FAF1: variants seen among roughly 807,000 people sequenced by gnomAD.
FAF1 encodes Fas associated factor 1.
FAF1 carries 25 observed loss-of-function variants against 92.5 expected under a neutral mutation model. That is an observed-to-expected ratio of 0.27 (90% CI 0.20 to 0.38). The LOEUF (loss-of-function observed/expected upper bound fraction) is 0.38. Ranked by LOEUF, FAF1 falls within the 10% of genes least tolerant of loss-of-function variation. The probability of loss-of-function intolerance (pLI) is 1.00; values close to 1 mark genes in which losing one functional copy is unlikely to be tolerated. For missense variants in FAF1, 636 were observed against 793.3 expected (o/e 0.80, Z 2.38); for synonymous variants, 234 against 273.2 (o/e 0.86, Z 1.42).
At chr1:50,681,969 G>A (rs906695087) in intron 7 of FAF1, among the ~76,000 whole-genome samples, 1 of 151,860 alleles carries the variant, frequency 6.6e-6, no homozygotes, top group South Asian at 2.1e-4. Flanking sequence ...GGGTAGCTGG[G>A]ACCACAGGCA....
At chr1:50,748,981 T>C (rs1189758106) in intron 4 of FAF1, among the ~76,000 whole-genome samples, 2 of 152,238 alleles carry the variant, frequency 1.3e-5, no homozygotes, top group African/African-American at 4.8e-5. Context: ...AAAAGATCCC[T>C]ATCTGAGCAC....
intron 1 of FAF1, among the ~76,000 whole-genome samples, chr1:50,951,392 T>G (rs1645213312): frequency 6.6e-6 from 1 of 152,230 alleles, no homozygotes; most frequent in African/African-American, 2.4e-5. Flanking sequence ...ACCTTAAAAC[T>G]GTCAAAAATA....
intron 4 of FAF1, among the ~76,000 whole-genome samples, chr1:50,764,875 C>T (rs1464517232): frequency 6.6e-6 from 1 of 152,166 alleles, no homozygotes; most frequent in Non-Finnish European, 1.5e-5. Flanking sequence ...CTTATTCCTC[C>T]ATATTTTGGA....
rs189508732 is a variant in FAF1, at chr1:50,898,643, G to A, written c.46-40646C>T. Among the ~76,000 whole-genome samples, 335 of 152,282 alleles carry A rather than the reference G, an allele frequency of 2.2e-3. 3 individuals are homozygous for A. The highest frequency in any genetic ancestry group is 8.0e-3 in the African/African-American group (331 of 41,560). On this transcript the variant is annotated intron_variant, in intron 1 of 18. Transcript: ENST00000396153. ...AGAGAATAGGGCATTCTCCAGGACAGACCACAAAAAACTATACCATACACT... is the reference window on the plus strand; with the variant it reads ...AGAGAATAGGGCATTCTCCAGGACAAACCACAAAAAACTATACCATACACT...
At chr1:50,456,454 TGAGA>T (rs1234188305) in intron 18 of FAF1, among the ~76,000 whole-genome samples, 1 of 151,592 alleles carries the variant, frequency 6.6e-6, no homozygotes, top group Non-Finnish European at 1.5e-5. Context: ...AAGGGGAGGG[TGAGA>T]GAGAAAGAAA....
chr1:50,542,059 G>GA (rs1244889433), intron 13 of FAF1, among the ~76,000 whole-genome samples: 1 of 152,102 alleles, frequency 6.6e-6, no homozygotes. Flanking sequence ...CTAGTTATTG[G>GA]AAAATCACTC....
Position 50,618,667 on chromosome 1 carries a change from C to T in FAF1, c.745-22451G>A, listed in dbSNP as rs569606257. 7.9e-5 allele frequency among the ~76,000 whole-genome samples: 12 copies of T among 151,878 alleles called. No individual in the cohort carries two copies. In the South Asian group the frequency reaches 1.9e-3, roughly 24 times the overall value. ...GTTAAGTCTTCCTGTTGTGCTGTACCCTTTATCATTACATAAGGCCCTTTA... is the reference window on the plus strand; with the variant it reads ...GTTAAGTCTTCCTGTTGTGCTGTACTCTTTATCATTACATAAGGCCCTTTA... On this transcript the variant is annotated intron_variant, in intron 8 of 18. Coordinates refer to ENST00000396153, the MANE Select transcript of FAF1 (RefSeq NM_007051.3).
intron 4 of FAF1, among the ~76,000 whole-genome samples, chr1:50,756,549 C>T (rs1036396125): frequency 6.6e-6 from 1 of 152,228 alleles, no homozygotes; most frequent in Non-Finnish European, 1.5e-5. Flanking sequence ...TCCAAAGTCA[C>T]TTCCACATTT....
intron 4 of FAF1, among the ~76,000 whole-genome samples, chr1:50,787,226 GA>G (rs1661393959): frequency 6.6e-6 from 1 of 152,154 alleles, no homozygotes; most frequent in Admixed American, 6.5e-5. Context: ...CTGGCAGAGA[GA>G]AAAGTGATGG....
chr1:50,574,358 G>A (rs1208640842), intron 12 of FAF1, among the ~76,000 whole-genome samples: 3 of 152,226 alleles, frequency 2.0e-5, no homozygotes, highest in Admixed American at 2.0e-4. Flanking sequence ...GGGGAGGCTG[G>A]AAGAGGGACT....
chr1:50,513,822 A>C (rs1019445041), intron 15 of FAF1, among the ~76,000 whole-genome samples: 3 of 152,196 alleles, frequency 2.0e-5, no homozygotes, highest in Non-Finnish European at 2.9e-5. Flanking sequence ...GAGACTCAGA[A>C]AGTATAAGTG....
At chr1:50,603,327 G>A (rs1290464155) in intron 8 of FAF1, among the ~76,000 whole-genome samples, 1 of 152,116 alleles carries the variant, frequency 6.6e-6, no homozygotes, top group African/African-American at 2.4e-5. Context: ...TTAGAGTAGT[G>A]GAGTAACCTG....
chr1:50,922,458 C>CAAAAAAAAAAAAAAAAAAAAA (rs33971185), intron 1 of FAF1, among the ~76,000 whole-genome samples: 1 of 37,270 alleles, frequency 2.7e-5, no homozygotes, highest in Non-Finnish European at 4.3e-5. Context: ...GACTCTGCCT[C>CAAAAAAAAAAAAAAAAAAAAA]AAAAAAAAAA....
chr1:50,805,933 T>A (rs1023822983), intron 2 of FAF1, among the ~76,000 whole-genome samples: 1 of 152,086 alleles, frequency 6.6e-6, no homozygotes, highest in African/African-American at 2.4e-5. Context: ...ATTACCTCAA[T>A]TTTACAGAGA....
chr1:50,737,815 A>G (rs1659202931), intron 6 of FAF1, among the ~76,000 whole-genome samples: 1 of 152,104 alleles, frequency 6.6e-6, no homozygotes. Flanking sequence ...TGGTGGGGGG[A>G]AAGCTTGACA....
At chr1:50,770,262 CA>C (rs1339739769) in intron 4 of FAF1, among the ~76,000 whole-genome samples, 12 of 152,104 alleles carry the variant, frequency 7.9e-5, no homozygotes, top group African/African-American at 2.7e-4. Flanking sequence ...CCAGAGCAAT[CA>C]GGCAAGAGAA....
intron 15 of FAF1, among the ~76,000 whole-genome samples, chr1:50,519,694 A>G (rs1647405622): frequency 6.6e-6 from 1 of 152,190 alleles, no homozygotes; most frequent in African/African-American, 2.4e-5. Flanking sequence ...TTTCTGCCTA[A>G]CCAAGTATCC....
chr1:50,714,944 G>A, intron 6 of FAF1: 1 of 393,196 alleles, frequency 2.5e-6, no homozygotes, highest in Non-Finnish European at 5.0e-6. Flanking sequence ...ATCCAAATTT[G>A]AAGAGAAAAT....
At chr1:50,822,971 T>C (rs1644058704) in intron 2 of FAF1, among the ~76,000 whole-genome samples, 1 of 151,984 alleles carries the variant, frequency 6.6e-6, no homozygotes, top group Non-Finnish European at 1.5e-5. Context: ...ACAGGGTTTC[T>C]CCACGTTGGT....
Sources: allele counts gnomAD v4.1 joint callset (sites outside exome capture counted in the v4.1 genomes callset), GRCh38; gene constraint gnomAD v4.1.1; transcripts MANE v1.5; gene names NCBI Gene and HGNC (gene_info 2026-07-23, HGNC 2026-07-21).